Variants in PTPRD observed in about 807,000 individuals in gnomAD.
PTPRD encodes the protein receptor-type tyrosine-protein phosphatase delta.
PTPRD carries 34 observed loss-of-function variants against 214.5 expected under a neutral mutation model. That is an observed-to-expected ratio of 0.16 (90% confidence interval 0.12 to 0.21). The LOEUF (loss-of-function observed/expected upper bound fraction) is 0.21, where lower values mean the gene tolerates loss of function less well. Ranked by LOEUF, PTPRD falls within the 10% of genes least tolerant of loss-of-function variation. The probability of loss-of-function intolerance (pLI) is 1.00; values close to 1 mark genes in which losing one functional copy is unlikely to be tolerated. For synonymous variants in PTPRD, 1,128 were observed against 845.7 expected (o/e 1.33, Z -5.79); for missense variants, 2,545 against 2,398.7 (o/e 1.06, Z -1.27).
At chr9:9,121,662 G>A (rs2099817743) in intron 10 of PTPRD, among the ~76,000 whole-genome samples, 1 of 152,134 alleles carries the variant, frequency 6.6e-6, no homozygotes, top group Non-Finnish European at 1.5e-5. Context: ...GGACTTTGGG[G>A]ACTTGGTGGG....
chr9:9,224,436 G>C (rs1341332665), intron 9 of PTPRD, among the ~76,000 whole-genome samples: 1 of 151,862 alleles, frequency 6.6e-6, no homozygotes, highest in East Asian at 1.9e-4. Context: ...GACTGCCTCT[G>C]ATTTGGCTCC....
intron 5 of PTPRD, among the ~76,000 whole-genome samples, chr9:9,896,940 A>T (rs1281486616): frequency 2.6e-5 from 4 of 152,054 alleles, no homozygotes; most frequent in Admixed American, 6.6e-5. Context: ...TATATTTGCA[A>T]TCTCAAAGCT....
intron 39 of PTPRD, among the ~76,000 whole-genome samples, chr9:8,344,611 T>C (rs1455911602): frequency 1.3e-5 from 2 of 152,090 alleles, no homozygotes; most frequent in African/African-American, 4.8e-5. Context: ...CTGCTATTCA[T>C]ATGGAAGATA....
chr9:10,194,035 T>C (rs1008622667), intron 3 of PTPRD, among the ~76,000 whole-genome samples: 2 of 152,000 alleles, frequency 1.3e-5, no homozygotes, highest in African/African-American at 4.8e-5. Context: ...TTCTCCAAAG[T>C]ACTTCTAAAA....
intron 8 of PTPRD, among the ~76,000 whole-genome samples, chr9:9,563,511 T>C (rs543618562): frequency 1.3e-5 from 2 of 152,244 alleles, no homozygotes; most frequent in South Asian, 4.1e-4. Context: ...GGAAATACTG[T>C]GATTGCTGAA....
chr9:8,355,782 G>C (rs941364319), intron 39 of PTPRD, among the ~76,000 whole-genome samples: 2 of 152,164 alleles, frequency 1.3e-5, no homozygotes. Flanking sequence ...TGTCCCAGAG[G>C]TTCTTATTCA....
chr9:9,017,601 A>T (rs1372479068), intron 11 of PTPRD, among the ~76,000 whole-genome samples: 2 of 152,312 alleles, frequency 1.3e-5, no homozygotes, highest in East Asian at 3.9e-4. Context: ...TAAATATAGA[A>T]AGTTTAGAAC....
intron 9 of PTPRD, among the ~76,000 whole-genome samples, chr9:9,386,435 G>T (rs1467778963): frequency 2.0e-5 from 3 of 152,138 alleles, no homozygotes; most frequent in African/African-American, 7.2e-5. Flanking sequence ...AGTGAGGGTA[G>T]ATCCCGGTAA....
At chr9:9,442,953 A>G (rs1169795724) in intron 8 of PTPRD, among the ~76,000 whole-genome samples, 3 of 152,140 alleles carry the variant, frequency 2.0e-5, no homozygotes, top group African/African-American at 7.2e-5. Flanking sequence ...ATGTTTATCC[A>G]TATGTATGCA....
chr9:8,979,278 C>T (rs919011553), intron 11 of PTPRD, among the ~76,000 whole-genome samples: 2 of 152,026 alleles, frequency 1.3e-5, no homozygotes, highest in Non-Finnish European at 2.9e-5. Flanking sequence ...GAACAATAAA[C>T]CTAACAGATA....
At chr9:8,873,738 G>C (rs2098341135) in intron 11 of PTPRD, among the ~76,000 whole-genome samples, 1 of 152,110 alleles carries the variant, frequency 6.6e-6, no homozygotes, top group African/African-American at 2.4e-5. Context: ...AGCATTGGGG[G>C]ACTAGGTCTC....
chr9:9,749,947 G>A (rs1022628900), intron 6 of PTPRD, among the ~76,000 whole-genome samples: 1 of 152,118 alleles, frequency 6.6e-6, no homozygotes, highest in African/African-American at 2.4e-5. Context: ...AATAATAGAA[G>A]ATGCTCATAT....
chr9:9,994,309 T>C (rs2096053174), intron 4 of PTPRD, among the ~76,000 whole-genome samples: 1 of 152,212 alleles, frequency 6.6e-6, no homozygotes, highest in South Asian at 2.1e-4. Flanking sequence ...ATCTTATGGA[T>C]ATTAAATTTG....
In PTPRD at chr9:9,030,529, T is replaced by A. The variant is rs1718185945; in HGVS notation, c.-142-11794A>T. Among the ~76,000 whole-genome samples the A allele has an allele frequency of 7.9e-5, 12 of 151,802 alleles. No individual in the cohort carries two copies. The Admixed American group carries it at 7.9e-4, about 10-fold the overall frequency. On this transcript the variant is annotated intron_variant, in intron 10 of 45. Transcript: ENST00000381196. ...CTCCATCTGGCTGCCTCTCTAGGAT[T>A]GCCCTTACTGCTTAAAATATACCAT... is the stretch of plus-strand genomic sequence containing the variant.
At chr9:10,157,587 T>G (rs1266065882) in intron 3 of PTPRD, among the ~76,000 whole-genome samples, 1 of 152,180 alleles carries the variant, frequency 6.6e-6, no homozygotes, top group Non-Finnish European at 1.5e-5. Context: ...CATTTTGCCC[T>G]TGGGGAATCT....
At chr9:9,555,200 A>C (rs2081232100) in intron 8 of PTPRD, among the ~76,000 whole-genome samples, 1 of 152,084 alleles carries the variant, frequency 6.6e-6, no homozygotes, top group South Asian at 2.1e-4. Context: ...TATTTGACGT[A>C]TGATATTATT....
chr9:9,406,240 C>A (rs929137168), intron 8 of PTPRD, among the ~76,000 whole-genome samples: 1 of 151,860 alleles, frequency 6.6e-6, no homozygotes, highest in Non-Finnish European at 1.5e-5. Flanking sequence ...ATTGTTTAGG[C>A]CATTACTTTG....
intron 9 of PTPRD, among the ~76,000 whole-genome samples, chr9:9,278,420 G>A (rs1555166005): frequency 6.6e-6 from 1 of 151,226 alleles, no homozygotes; most frequent in African/African-American, 2.4e-5. Flanking sequence ...AAATAAAATG[G>A]TCCTAAAATA....
At chr9:10,088,343 T>C (rs2098382752) in intron 3 of PTPRD, among the ~76,000 whole-genome samples, 1 of 151,788 alleles carries the variant, frequency 6.6e-6, no homozygotes, top group Non-Finnish European at 1.5e-5. Context: ...TGAATATGCC[T>C]CTATTAGAAA....
Sources: allele counts gnomAD v4.1 joint callset (sites outside exome capture counted in the v4.1 genomes callset), GRCh38; gene constraint gnomAD v4.1.1; transcripts MANE v1.5; gene names NCBI Gene and HGNC (gene_info 2026-07-23, HGNC 2026-07-21).